BCOR: variants seen among roughly 807,000 people sequenced by gnomAD.
BCOR encodes the protein BCL-6 corepressor.
A neutral mutation model predicts 86.7 loss-of-function variants in BCOR; 10 were observed. The observed-to-expected ratio is 0.12, with a 90% confidence interval of 0.07 to 0.20. The LOEUF is 0.20. BCOR is among the 10% of genes least tolerant of loss of function. The probability of loss-of-function intolerance (pLI) is 1.00; values close to 1 mark genes in which losing one functional copy is unlikely to be tolerated. For synonymous variants in BCOR, 611 were observed against 609.0 expected, an observed-to-expected ratio of 1.00 and a Z score of -0.05; for missense variants, 1,259 against 1,452.1, an observed-to-expected ratio of 0.87 and a Z score of 2.16.
intron 10 of BCOR, among the ~76,000 whole-genome samples, chrX:40,058,999 C>G (rs761275909): frequency 2.7e-5 from 3 of 112,129 alleles, no homozygotes; most frequent in Non-Finnish European, 5.6e-5. Context: ...TCAATCTACC[C>G]GGATCCCGGC....
rs1348283019 is a variant in BCOR, at chrX:40,062,993, G to A, written c.3926C>T (p.Pro1309Leu). Residue 1309 changes from proline (P) to leucine (L), a missense_variant, in exon 9 of 15, where the codon CCA becomes CTA. By Grantham distance (98) the Pro-to-Leu change is moderately conservative (BLOSUM62 -3). Around this residue, in one of 7 missense-constraint regions of BCOR, gnomAD observed 305 missense variants for 286.1 expected, o/e 1.07. Transcript: ENST00000378444. ...TSAGGKKQAQ[P>L]SCAPASRPPA... ...CGGCCTGGAGGCTGGTGCGCAGCTT[G>A]GCTGAGCCTGCTTTTTGCCGCCTGC... 1.7e-6 allele frequency: 2 copies of A among 1,177,065 alleles called. No individual in the cohort carries two copies. The highest frequency in any genetic ancestry group is 2.3e-6 in the Non-Finnish European group (2 of 878,230).
At chrX:40,104,542 C>T (rs1937133772) in intron 1 of BCOR, among the ~76,000 whole-genome samples, 1 of 110,998 alleles carries the variant, frequency 9.0e-6, no homozygotes, top group Non-Finnish European at 1.9e-5. Flanking sequence ...CCCCAGAATG[C>T]AAACCTCAAG....
intron 1 of BCOR, among the ~76,000 whole-genome samples, chrX:40,130,344 G>T (rs1937589602): frequency 8.9e-6 from 1 of 112,140 alleles, no homozygotes; most frequent in Non-Finnish European, 1.9e-5. Flanking sequence ...CTCAATCTGG[G>T]AGGTTTCCCC....
At position 40,064,556 on chromosome X, in the gene BCOR, G is replaced by T. The variant is rs1394362255; in HGVS notation, c.3282C>A (p.Ala1094=). The change falls in exon 7 of 15, where the codon GCC becomes GCA. Residue 1094 remains alanine (A), a synonymous_variant. Transcript: ENST00000378444. ...VGNKHRDPFE[A]PEDKDLPVEK... is the part of the protein sequence containing the mutation. Reference sequence around the variant, plus strand: ...CCACAGGAAGATCTTTGTCCTCTGGGGCTTCAAAGGGATCACGGTGCTTGT... The same window carrying T: ...CCACAGGAAGATCTTTGTCCTCTGGTGCTTCAAAGGGATCACGGTGCTTGT... The T allele has an allele frequency of 1.7e-6, 2 of 1,211,655 alleles. No homozygotes were observed. The highest frequency in any genetic ancestry group is 1.8e-5 in the South Asian group (1 of 56,978).
rs766373816 is a variant in BCOR, at chrX:40,087,478, T to G, written c.-40-9509A>C. Among the ~76,000 whole-genome samples, 3 of 112,731 alleles carry G rather than the reference T, an allele frequency of 2.7e-5. No homozygotes were observed. In the East Asian group the frequency reaches 8.3e-4, roughly 31 times the overall value. ...AACGATAGCAGACAAATACTTATTC[T>G]TTGAAAATCACCAATAACCGATGGG... On this transcript the variant is annotated intron_variant, in intron 1 of 14. Transcript: ENST00000378444.
intron 1 of BCOR, among the ~76,000 whole-genome samples, chrX:40,088,305 T>C (rs1204712766): frequency 8.9e-6 from 1 of 112,623 alleles, no homozygotes; most frequent in Non-Finnish European, 1.9e-5. Context: ...ACCTTTAAAA[T>C]CGTGCGCTAA....
Position 40,057,262 on chromosome X carries a change from T to G in BCOR, c.4488A>C (p.Ala1496=), listed in dbSNP as rs138741225. 193 of 1,210,659 alleles carry G rather than the reference T, an allele frequency of 1.6e-4. No individual in the cohort carries two copies. In the African/African-American group the frequency reaches 3.0e-3, roughly 19 times the overall value. Residue 1496 remains alanine, a synonymous_variant, in exon 11 of 15, where the codon GCA becomes GCC. Transcript: ENST00000378444. ...KICDVNHRDN[A]GYCALHEACA... The stretch of plus-strand genomic sequence containing the variant: ...AAGCTTCATGCAGGGCGCAGTAACC[T>G]GCGTTGTCCCGATGATTTACATCAC...
At chrX:40,092,940 C>T (rs1055625975) in intron 1 of BCOR, among the ~76,000 whole-genome samples, 8 of 112,406 alleles carry the variant, frequency 7.1e-5, no homozygotes, top group Admixed American at 6.6e-4. Context: ...CTTCGTCAGG[C>T]ATTGAGGAGT....
upstream of BCOR, among the ~76,000 whole-genome samples, chrX:40,100,521 C>CA (rs1183821042): frequency 5.0e-4 from 56 of 111,787 alleles, no homozygotes; most frequent in African/African-American, 1.7e-3. Flanking sequence ...TGCAGCCTCT[C>CA]AGAGTCTTAC....
Position 40,120,995 on chromosome X carries a change from G to A in BCOR, c.-40-43026C>T, listed in dbSNP as rs186600117. Among the ~76,000 whole-genome samples the A allele has an allele frequency of 5.4e-3, 608 of 111,660 alleles. 5 individuals are homozygous for A. Among genetic ancestry groups the A allele is most frequent in the African/African-American group, 0.019 (579 of 30,743 alleles). On this transcript the variant is annotated intron_variant, in intron 1 of 14. Coordinates refer to the BCOR transcript ENST00000342274. ...CTGAGGTGAGAGTTTTGCAGGCAGAGGCAAAGCCAGTGCAAAGGCCCTGTG... is the reference window on the plus strand; with the variant it reads ...CTGAGGTGAGAGTTTTGCAGGCAGAAGCAAAGCCAGTGCAAAGGCCCTGTG...
intron 1 of BCOR, among the ~76,000 whole-genome samples, chrX:40,152,297 G>T (rs1238471565): frequency 9.0e-6 from 1 of 110,972 alleles, no homozygotes; most frequent in Admixed American, 9.4e-5. Context: ...TCCCCACCCC[G>T]TCCCTTTGAT....
At chrX:40,176,163 G>A (rs945738723) in intron 1 of BCOR, among the ~76,000 whole-genome samples, 1 of 113,087 alleles carries the variant, frequency 8.8e-6, no homozygotes, top group Non-Finnish European at 1.9e-5. Flanking sequence ...AGGTGGGGCC[G>A]ATGGTTTGTC....
chrX:40,075,868 A>G (rs1935783864), intron 3 of BCOR, among the ~76,000 whole-genome samples: 1 of 112,246 alleles, frequency 8.9e-6, no homozygotes, highest in Non-Finnish European at 1.9e-5. Context: ...TCTCAGCATC[A>G]CCCTCATGGG....
chrX:40,052,780 G>A (rs1318531252), intron 14 of BCOR, among the ~76,000 whole-genome samples: 1 of 110,047 alleles, frequency 9.1e-6, no homozygotes, highest in African/African-American at 3.3e-5. Context: ...TAACCAGGAT[G>A]GTCTCAATCT....
chrX:40,165,060 T>C (rs1161949585), intron 1 of BCOR, among the ~76,000 whole-genome samples: 2 of 111,531 alleles, frequency 1.8e-5, no homozygotes, highest in Non-Finnish European at 3.8e-5. Context: ...GAAAGACATC[T>C]GGAATGTGAT....
At position 40,077,929 on chromosome X, in the gene BCOR, TGTC is replaced by T; in HGVS notation, c.-3_-1del. 8.3e-7 allele frequency: 1 copy of T among 1,203,851 alleles called. No homozygotes were observed. Among genetic ancestry groups the T allele is most frequent in the East Asian group, 3.0e-5 (1 of 33,836 alleles). On this transcript the variant is annotated 5_prime_UTR_variant, in exon 2 of 15. Coordinates refer to ENST00000378444, the MANE Select transcript of BCOR (RefSeq NM_001123385.2). Reference sequence around the variant, plus strand: ...CCATACAGGGGGGTTGCTGAGAGCATGTCGTCTTCTGGGATGGCAGCTTTGCTT... The same window carrying T: ...CCATACAGGGGGGTTGCTGAGAGCATGTCTTCTGGGATGGCAGCTTTGCTT...
intron 1 of BCOR, among the ~76,000 whole-genome samples, chrX:40,091,257 C>A (rs1465337288): frequency 8.9e-6 from 1 of 112,467 alleles, no homozygotes; most frequent in East Asian, 2.8e-4. Context: ...TCGCCCAGCC[C>A]CGGGTCAATG....
chrX:40,098,560 G>T (rs968021664), upstream of BCOR, among the ~76,000 whole-genome samples: 1 of 110,977 alleles, frequency 9.0e-6, no homozygotes, highest in Non-Finnish European at 1.9e-5. Context: ...ACCATAAAGC[G>T]CCTCGCACTC....
At chrX:40,059,083 C>T (rs1304840870) in intron 10 of BCOR, among the ~76,000 whole-genome samples, 1 of 112,009 alleles carries the variant, frequency 8.9e-6, no homozygotes, top group Admixed American at 9.4e-5. Flanking sequence ...AAACCTTCAT[C>T]ACTACTAGGG....
Sources: allele counts gnomAD v4.1 joint callset (sites outside exome capture counted in the v4.1 genomes callset), GRCh38; gene constraint gnomAD v4.1.1; regional missense constraint gnomAD v4.1.1; transcripts MANE v1.5; gene names NCBI Gene and HGNC (gene_info 2026-07-23, HGNC 2026-07-21).